Variants in MYO18B observed in about 807,000 individuals in gnomAD.
MYO18B encodes unconventional myosin-XVIIIb.
MYO18B carries 204 observed loss-of-function variants against 273.0 expected under a neutral mutation model. The ratio of observed to expected loss-of-function variants is 0.75; its 90% CI spans 0.67 to 0.84. The LOEUF is 0.84. Ranked by LOEUF, MYO18B falls within the 40% of genes least tolerant of loss-of-function variation. The pLI, the probability that MYO18B is intolerant of heterozygous loss-of-function variation, is 0.00. For missense variants in MYO18B, 3,212 were observed against 3,287.6 expected (o/e 0.98, Z 0.56); for synonymous variants, 1,330 against 1,305.7 (o/e 1.02, Z -0.40).
intron 1 of MYO18B, among the ~76,000 whole-genome samples, chr22:25,744,775 T>A (rs1006535508): frequency 6.6e-6 from 1 of 152,050 alleles, no homozygotes; most frequent in Non-Finnish European, 1.5e-5. Flanking sequence ...TGAAATTAAA[T>A]TTTCTGAAAA....
chr22:25,998,346 T>C (rs955117725), intron 40 of MYO18B, among the ~76,000 whole-genome samples: 2 of 152,176 alleles, frequency 1.3e-5, no homozygotes, highest in Non-Finnish European at 2.9e-5. Flanking sequence ...GCGGCTGCTC[T>C]GTCTGTCACC....
intron 1 of MYO18B, among the ~76,000 whole-genome samples, chr22:25,756,147 G>A (rs1296012590): frequency 1.3e-5 from 2 of 152,198 alleles, no homozygotes; most frequent in South Asian, 2.1e-4. Context: ...GCCTGCCTCA[G>A]CCTCCCAAAG....
At chr22:25,955,878 C>T (rs898994802) in intron 39 of MYO18B, among the ~76,000 whole-genome samples, 3 of 152,160 alleles carry the variant, frequency 2.0e-5, no homozygotes, top group Non-Finnish European at 4.4e-5. Flanking sequence ...AGAGCTATTT[C>T]TGGGCTGTTA....
intron 33 of MYO18B, 140 bp from the exon 34 acceptor site, chr22:25,921,117 G>A (rs2092333636): frequency 3.7e-6 from 3 of 807,454 alleles, no homozygotes; most frequent in Non-Finnish European, 3.8e-6. Context: ...CTGAGGCTCG[G>A]AGAGGAGAAT....
At position 25,779,950 on chromosome 22, in the gene MYO18B, TG is replaced by T. The variant is rs1481497427; in HGVS notation, c.2069-102del. The T allele has an allele frequency of 1.1e-5, 15 of 1,387,878 alleles. No individual in the cohort carries two copies. In the East Asian group the frequency reaches 3.8e-4, roughly 35 times the overall value. The allele number at this position is 1,387,878 out of a possible 1,614,324, so 86.0% of individuals were successfully genotyped here. A position where few individuals can be genotyped will look rare whatever the true frequency, so the allele number is the denominator to read the frequency against. On this transcript the variant is annotated intron_variant, in intron 8 of 43. Coordinates refer to ENST00000335473, the MANE Select transcript of MYO18B (RefSeq NM_032608.7). ...AGCCCACCGGGGGCTGAGGCCAGGA[TG>T]GGGACTGGCCCAAGCAGGGGCCGTG... is the stretch of plus-strand genomic sequence containing the variant.
chr22:25,989,669 G>T (rs561418393), intron 39 of MYO18B, among the ~76,000 whole-genome samples: 6 of 148,622 alleles, frequency 4.0e-5, no homozygotes, highest in South Asian at 4.3e-4. Context: ...GTGGTGGCAG[G>T]TGCCTGTAGT....
intron 39 of MYO18B, among the ~76,000 whole-genome samples, chr22:25,986,597 G>A (rs1445459739): frequency 2.0e-5 from 3 of 152,134 alleles, no homozygotes; most frequent in Non-Finnish European, 4.4e-5. Context: ...TATTTAACAC[G>A]TATTTATTAT....
At chr22:25,765,876 A>G (rs761882653) in intron 3 of MYO18B, among the ~76,000 whole-genome samples, 1 of 152,170 alleles carries the variant, frequency 6.6e-6, no homozygotes, top group Non-Finnish European at 1.5e-5. Context: ...ACTTTTCAAT[A>G]TGGTGTAGAC....
At chr22:25,988,493 G>A (rs1438944129) in intron 39 of MYO18B, among the ~76,000 whole-genome samples, 1 of 152,104 alleles carries the variant, frequency 6.6e-6, no homozygotes, top group Non-Finnish European at 1.5e-5. Flanking sequence ...CACATACTCT[G>A]GCCTAACTAA....
chr22:25,948,435 C>CTTTCTTTCTTTCT lies in MYO18B; in HGVS notation c.5748+609_5748+610insTCTTTCTTTCTTT, dbSNP rs1569224898. Among the ~76,000 whole-genome samples, 17 of 110,788 alleles carry CTTTCTTTCTTTCT rather than the reference C, an allele frequency of 1.5e-4. 1 individual carries two copies. The highest frequency in any genetic ancestry group is 4.4e-4 in the African/African-American group (12 of 27,514). 72.7% of individuals were successfully genotyped at this position (110,788 alleles called of 152,430 possible). The stretch of plus-strand genomic sequence containing the variant: ...CCTTCCTTCCTTCCTTCCTTCCTTC[C>CTTTCTTTCTTTCT]TTCCTTCCTTCCTTCCTTCCTTCCT... On this transcript the variant is annotated intron_variant, in intron 36 of 43. Transcript: ENST00000335473.
At chr22:25,873,566 G>A (rs561071870) in intron 22 of MYO18B, among the ~76,000 whole-genome samples, 5 of 152,148 alleles carry the variant, frequency 3.3e-5, no homozygotes, top group Admixed American at 2.0e-4. Context: ...TCAGCCTCCC[G>A]AGTAGCTGGG....
intron 39 of MYO18B, among the ~76,000 whole-genome samples, chr22:25,966,985 A>G (rs2092986481): frequency 1.3e-5 from 2 of 152,186 alleles, no homozygotes; most frequent in South Asian, 2.1e-4. Context: ...AATTGGGTCT[A>G]TTACTCCCCG....
chr22:25,949,613 T>C (rs1323857816), intron 36 of MYO18B, among the ~76,000 whole-genome samples: 4 of 152,098 alleles, frequency 2.6e-5, no homozygotes, highest in Admixed American at 6.5e-5. Context: ...GGAATAATAA[T>C]AACAAAATAA....
chr22:25,806,714 A>G (rs1385468051), intron 12 of MYO18B, among the ~76,000 whole-genome samples: 9 of 152,240 alleles, frequency 5.9e-5, no homozygotes, highest in Non-Finnish European at 4.4e-5. Flanking sequence ...CTGTGGAACC[A>G]TTAGCTGGTG....
chr22:26,037,715 T>TC, the MYO18B span, among the ~76,000 whole-genome samples: 1 of 152,336 alleles, frequency 6.6e-6, no homozygotes, highest in East Asian at 1.9e-4. Flanking sequence ...CAGCCTGTTC[T>TC]CCCTTCTCCC....
rs774681908 is a variant in MYO18B, at chr22:25,950,473, T to C, written c.5832+23T>C. ...CAAGTATGTGCTCAGAGCCATCCTATAGTTGTATTAGTCAGGGTTTTCTTA... is the reference window on the plus strand; with the variant it reads ...CAAGTATGTGCTCAGAGCCATCCTACAGTTGTATTAGTCAGGGTTTTCTTA... On this transcript the variant is annotated intron_variant, in intron 37 of 43. Transcript: ENST00000335473. The C allele has an allele frequency of 1.0e-5, 16 of 1,577,010 alleles. 2 individuals carry two copies. The Middle Eastern group carries it at 1.8e-3, about 181-fold the overall frequency.
chr22:26,060,994 T>TACAC, the MYO18B span, among the ~76,000 whole-genome samples: 234 of 99,426 alleles, frequency 2.4e-3, no homozygotes, highest in African/African-American at 0.011. Context: ...ACATACCACA[T>TACAC]ATGCACACAC....
chr22:25,800,097 TATC>T (rs2088123624), intron 12 of MYO18B, among the ~76,000 whole-genome samples: 2 of 152,122 alleles, frequency 1.3e-5, no homozygotes, highest in South Asian at 4.1e-4. Flanking sequence ...GAACACCAAA[TATC>T]ATACATTCTC....
intron 34 of MYO18B, among the ~76,000 whole-genome samples, chr22:25,940,431 T>G (rs2146550051): frequency 6.6e-6 from 1 of 152,352 alleles, no homozygotes; most frequent in Middle Eastern, 3.4e-3. Context: ...AGTATACCTC[T>G]TTCCTTTATA....
Sources: allele counts gnomAD v4.1 joint callset (sites outside exome capture counted in the v4.1 genomes callset), GRCh38; gene constraint gnomAD v4.1.1; transcripts MANE v1.5; gene names NCBI Gene and HGNC (gene_info 2026-07-23, HGNC 2026-07-21).